Variants in CATSPERB observed in about 807,000 individuals in gnomAD.
CATSPERB encodes the protein cation channel sperm-associated auxiliary subunit beta.
A neutral mutation model predicts 128.3 loss-of-function variants in CATSPERB; 93 were observed. The ratio of observed to expected loss-of-function variants is 0.72; its 90% CI spans 0.61 to 0.86. CATSPERB has a LOEUF of 0.86. CATSPERB is among the 40% of genes least tolerant of loss of function. CATSPERB has a pLI of 0.00. For synonymous variants in CATSPERB, 381 were observed against 448.8 expected, an observed-to-expected ratio of 0.85 and a Z score of 1.91; for missense variants, 1,153 against 1,329.5, an observed-to-expected ratio of 0.87 and a Z score of 2.06.
chr14:91,587,087 G>T, intron 26 of CATSPERB, 115 bp downstream of exon 26: 1 of 742,146 alleles, frequency 1.3e-6, no homozygotes, highest in Non-Finnish European at 2.2e-6. Context: ...CTGTCTTTAA[G>T]CCTTGTCCAT....
rs541473207 is a variant in CATSPERB, at chr14:91,614,324, C to A, written c.2400+3273G>T. Among the ~76,000 whole-genome samples the A allele has an allele frequency of 4.6e-5, 7 of 152,272 alleles. No homozygotes were observed. The South Asian group carries it at 1.5e-3, about 32-fold the overall frequency. On this transcript the variant is annotated intron_variant, in intron 20 of 26. Transcript: ENST00000256343. Reference sequence around the variant, plus strand: ...TTTTATCCTCTGTTCTGAACCTCTACACTGCCTTTTTAAATACCCAAAATG... The same window carrying A: ...TTTTATCCTCTGTTCTGAACCTCTAAACTGCCTTTTTAAATACCCAAAATG...
chr14:91,633,250 C>G (rs1005185287), intron 17 of CATSPERB, among the ~76,000 whole-genome samples: 1 of 152,018 alleles, frequency 6.6e-6, no homozygotes, highest in Non-Finnish European at 1.5e-5. Flanking sequence ...CAGGCCCAGC[C>G]AAAACACCCT....
rs35103012 is a variant in CATSPERB at position 91,648,988 on chromosome 14, C to CT, written c.1433-9739dup. Among the ~76,000 whole-genome samples, 472 of 144,598 alleles carry CT rather than the reference C, an allele frequency of 3.3e-3. 4 individuals are homozygous for CT. Among genetic ancestry groups the CT allele is most frequent in the Admixed American group, 0.01 (147 of 14,420 alleles). The allele number at this position is 144,598 out of a possible 152,430, so 94.9% of individuals were successfully genotyped here. On this transcript the variant is annotated intron_variant, in intron 15 of 26. Coordinates refer to ENST00000256343, the MANE Select transcript of CATSPERB (RefSeq NM_024764.4). ...TGGCACTTCCCATTCACCTATCTTG[C>CT]TTTTTTTTTTTTTCCTGTGTAGCAT...
At chr14:91,726,375 C>A (rs1896120289) in intron 2 of CATSPERB, among the ~76,000 whole-genome samples, 2 of 152,192 alleles carry the variant, frequency 1.3e-5, no homozygotes, top group Non-Finnish European at 2.9e-5. Context: ...TGCTCCCCAT[C>A]CCGTAAGGGG....
chr14:91,581,095 C>T lies in CATSPERB; in HGVS notation c.3145G>A (p.Glu1049Lys), dbSNP rs910747411. The change falls in exon 27 of 27, where the codon GAG becomes AAG. Residue 1049 changes from glutamate (E) to lysine (K), a missense_variant. Physicochemically the swap from Glu to Lys is moderately conservative, Grantham distance 56 (BLOSUM62 1). Coordinates refer to ENST00000256343, the MANE Select transcript of CATSPERB (RefSeq NM_024764.4). ...LIEEFQIYVD[E>K]APLPFPGHTL... is the part of the protein sequence containing the mutation. ...TGTCCTGGGAATGGCAATGGTGCCTCATCAACATAAATCTGCAACAGAAAA... is the reference window on the plus strand; with the variant it reads ...TGTCCTGGGAATGGCAATGGTGCCTTATCAACATAAATCTGCAACAGAAAA... The T allele has an allele frequency of 1.2e-6, 2 of 1,613,582 alleles. No homozygotes were observed. Among genetic ancestry groups the T allele is most frequent in the African/African-American group, 2.7e-5 (2 of 74,940 alleles).
intron 14 of CATSPERB, among the ~76,000 whole-genome samples, chr14:91,660,485 T>C (rs1346578142): frequency 6.6e-6 from 1 of 152,180 alleles, no homozygotes; most frequent in African/African-American, 2.4e-5. Context: ...ATCACTTATC[T>C]CACTGTATAG....
chr14:91,621,605 T>A lies in CATSPERB; in HGVS notation c.2260+3A>T. Reference sequence around the variant, plus strand: ...TTATATTTTCCGATCAAAACAAACTTACCTTTTGCATTCCGTATGACCTTA... The same window carrying A: ...TTATATTTTCCGATCAAAACAAACTAACCTTTTGCATTCCGTATGACCTTA... On this transcript the variant is annotated splice_donor_region_variant and intron_variant, in intron 19 of 26. Coordinates refer to ENST00000256343, the MANE Select transcript of CATSPERB (RefSeq NM_024764.4). 1 of 1,558,520 alleles carries A rather than the reference T, an allele frequency of 6.4e-7. No individual in the cohort carries two copies. The highest frequency in any genetic ancestry group is 8.7e-7 in the Non-Finnish European group (1 of 1,152,686).
At chr14:91,670,551 AT>A (rs1895069989) in intron 13 of CATSPERB, among the ~76,000 whole-genome samples, 1 of 152,092 alleles carries the variant, frequency 6.6e-6, no homozygotes, top group African/African-American at 2.4e-5. Context: ...GCATGGTGGC[AT>A]GAACCTGTAG....
chr14:91,631,234 A>G (rs1894271849), intron 17 of CATSPERB, among the ~76,000 whole-genome samples: 1 of 152,232 alleles, frequency 6.6e-6, no homozygotes, highest in African/African-American at 2.4e-5. Context: ...CTAGCACAAG[A>G]CTTGATATGT....
intron 4 of CATSPERB, among the ~76,000 whole-genome samples, chr14:91,722,225 A>G (rs1281127842): frequency 6.6e-6 from 1 of 152,252 alleles, no homozygotes; most frequent in East Asian, 1.9e-4. Context: ...TTTCCACACA[A>G]AAATTTTCAC....
chr14:91,663,725 A>G (rs551492721), intron 14 of CATSPERB, among the ~76,000 whole-genome samples: 2 of 152,100 alleles, frequency 1.3e-5, no homozygotes, highest in South Asian at 4.2e-4. Context: ...AGGTCATAAT[A>G]CAAGAGTGTT....
chr14:91,663,865 T>C (rs746289686), intron 14 of CATSPERB, among the ~76,000 whole-genome samples: 7 of 152,178 alleles, frequency 4.6e-5, no homozygotes, highest in Admixed American at 2.0e-4. Flanking sequence ...ATTTACATTG[T>C]AGTGGAAGAG....
At position 91,669,827 on chromosome 14, in the gene CATSPERB, G is replaced by A; in HGVS notation, c.1274C>T (p.Ala425Val). 4.3e-6 allele frequency: 7 copies of A among 1,612,532 alleles called. No individual in the cohort carries two copies. The South Asian group carries it at 4.4e-5, about 10-fold the overall frequency. The change falls in exon 14 of 27, where the codon GCT becomes GTT. Residue 425 changes from alanine to valine, a missense_variant. Transcript: ENST00000256343. ...VFHPRSHFLY[A>V]YGNQIWLSVD... ...ATGTGTACGCACCTGATTGCCATAA[G>A]CATACAAAAAGTGGCTTCGGGGATG...
intron 14 of CATSPERB, 57 bp from the exon 15 acceptor site, chr14:91,660,038 T>C: frequency 2.0e-6 from 3 of 1,478,408 alleles, no homozygotes; most frequent in Non-Finnish European, 2.7e-6. Flanking sequence ...CAGTTGGCAG[T>C]TACCTATCAG....
chr14:91,730,120 C>T (rs189770338), intron 1 of CATSPERB, among the ~76,000 whole-genome samples: 1 of 152,302 alleles, frequency 6.6e-6, no homozygotes, highest in East Asian at 1.9e-4. Context: ...AAGTTGAAAT[C>T]CTAACCACCC....
At chr14:91,613,849 G>A (rs898063716) in intron 20 of CATSPERB, among the ~76,000 whole-genome samples, 6 of 152,168 alleles carry the variant, frequency 3.9e-5, no homozygotes, top group African/African-American at 1.4e-4. Context: ...GAATTTAAAT[G>A]CTAATGAGAA....
intron 7 of CATSPERB, among the ~76,000 whole-genome samples, chr14:91,696,582 A>AAT: frequency 6.6e-6 from 1 of 152,112 alleles, no homozygotes; most frequent in East Asian, 1.9e-4. Flanking sequence ...TCTGGCCTTA[A>AAT]ATATTTTTTT....
intron 14 of CATSPERB, among the ~76,000 whole-genome samples, chr14:91,661,349 C>A (rs1195760957): frequency 1.3e-5 from 2 of 151,960 alleles, no homozygotes; most frequent in African/African-American, 2.4e-5. Flanking sequence ...ATATACCATA[C>A]TTGAGATAGT....
chr14:91,608,077 AG>A (rs1216424426), intron 22 of CATSPERB, among the ~76,000 whole-genome samples: 1 of 152,208 alleles, frequency 6.6e-6, no homozygotes, highest in East Asian at 1.9e-4. Flanking sequence ...GGGAGAGTCA[AG>A]GGGGAAAGCG....
Sources: gnomAD v4.1 joint callset for allele counts (sites outside exome capture counted in the v4.1 genomes callset) on GRCh38, gnomAD v4.1.1 for gene constraint, MANE v1.5 for transcripts, NCBI Gene and HGNC (gene_info 2026-07-23, HGNC 2026-07-21) for gene names.